The following GGT6 variants were observed in gnomAD, a reference collection of about 807,000 sequenced individuals.
GGT6 encodes gamma-glutamyltransferase 6.
In GGT6, 13 loss-of-function variants were observed where a neutral mutation model predicts 17.0. The ratio of observed to expected loss-of-function variants is 0.77; its 90% confidence interval spans 0.50 to 1.22. The LOEUF (loss-of-function observed/expected upper bound fraction) is 1.22, where lower values mean the gene tolerates loss of function less well. GGT6 is among the 50% of genes most tolerant of loss of function. The pLI is 0.00. For synonymous variants in GGT6, 305 were observed against 297.9 expected, an observed-to-expected ratio of 1.02 and a Z score of -0.25; for missense variants, 628 against 643.7, an observed-to-expected ratio of 0.98 and a Z score of 0.26.
Position 4,560,569 on chromosome 17 carries a change from C to G in GGT6, c.-48G>C, listed in dbSNP as rs772366650. On this transcript the variant is annotated 5_prime_UTR_variant, in exon 1 of 4. Coordinates refer to ENST00000381550, the MANE Select transcript of GGT6 (RefSeq NM_001288702.2). ...CCCTCCTGCCTGCCAGCCTTTCCGG[C>G]TGTGTCTCAGAGGCCCTGCCCAAGC... is the stretch of plus-strand genomic sequence containing the variant. The G allele has an allele frequency of 1.2e-6, 2 of 1,600,942 alleles. No homozygotes were observed. The highest frequency in any genetic ancestry group is 1.1e-5 in the South Asian group (1 of 90,968).
At chr17:4,560,066 C>T (rs370647989) in intron 1 of GGT6, 70 of 569,812 alleles carry the variant, frequency 1.2e-4, no homozygotes, top group East Asian at 9.5e-4. Flanking sequence ...GGGGAGCAGG[C>T]CCAGCCAGGC....
intron 1 of GGT6, 80 bp downstream of exon 1, chr17:4,560,302 C>T: frequency 2.0e-6 from 3 of 1,522,464 alleles, no homozygotes; most frequent in East Asian, 2.3e-5. Context: ...GTCGCCTGGT[C>T]CCCCTGAGGG....
Position 4,557,828 on chromosome 17 carries a change from G to T in GGT6, c.*187C>A, listed in dbSNP as rs1908272437. 1.9e-6 allele frequency: 1 copy of T among 518,548 alleles called. No homozygotes were observed. The highest frequency in any genetic ancestry group is 3.4e-6 in the Non-Finnish European group (1 of 296,282). 32.1% of individuals were successfully genotyped at this position (518,548 alleles called of 1,614,324 possible). ...TTTAGTACAGATGAGATCTTGCTTT[G>T]TTGTCTAGGCTAGTTTCAAACTCCT... On this transcript the variant is annotated 3_prime_UTR_variant, in exon 4 of 4. Transcript: ENST00000381550.
In GGT6 at chr17:4,557,939, T is replaced by C; in HGVS notation, c.*76A>G. ...CCACACCCTGCGGGTGCACACTCCA[T>C]TGCTGCTGTGTCTGCTCTGCTCCTG... On this transcript the variant is annotated 3_prime_UTR_variant, in exon 4 of 4. Transcript: ENST00000381550. 2.0e-6 allele frequency: 2 copies of C among 991,472 alleles called. No homozygotes were observed. Among genetic ancestry groups the C allele is most frequent in the Admixed American group, 2.8e-5 (1 of 35,644 alleles). The allele number at this position is 991,472 out of a possible 1,614,324, so 61.4% of individuals were successfully genotyped here.
At position 4,559,864 on chromosome 17, in the gene GGT6, G is replaced by A. The variant is rs983496185; in HGVS notation, c.141-104C>T. 6.5e-6 allele frequency: 7 copies of A among 1,073,162 alleles called. No individual in the cohort carries two copies. The African/African-American group carries it at 9.4e-5, about 14-fold the overall frequency. 66.5% of individuals were successfully genotyped at this position (1,073,162 alleles called of 1,614,324 possible). ...CCCAAAAGGTTTGATTTAGCAAGAG[G>A]AGCACAAGTCAGCCAAGGAGAAAGG... On this transcript the variant is annotated intron_variant, in intron 1 of 3. Transcript: ENST00000381550.
intron 1 of GGT6, 153 bp from the exon 2 acceptor site, chr17:4,559,913 T>C: frequency 3.0e-6 from 2 of 659,776 alleles, no homozygotes; most frequent in Non-Finnish European, 5.2e-6. Flanking sequence ...GGGTGCATCT[T>C]GGGCAGACAT....
intron 3 of GGT6, 106 bp from the exon 4 acceptor site, chr17:4,559,163 C>A: frequency 7.0e-7 from 1 of 1,432,838 alleles, no homozygotes. Flanking sequence ...ACTGACCAGG[C>A]CTGAGGTCAA....
intron 1 of GGT6, 175 bp from the exon 2 acceptor site, chr17:4,559,935 AG>A (rs1339510378): frequency 3.2e-6 from 2 of 631,148 alleles, no homozygotes; most frequent in Non-Finnish European, 5.5e-6. Flanking sequence ...GGGATGGGAA[AG>A]CATCTGGGGA....
intron 1 of GGT6, 33 bp downstream of exon 1, chr17:4,560,349 G>A (rs1908552287): frequency 6.2e-7 from 1 of 1,613,384 alleles, no homozygotes; most frequent in Non-Finnish European, 8.5e-7. Flanking sequence ...TCAAGCCTGG[G>A]GAGCCTGGTG....
At position 4,558,220 on chromosome 17, in the gene GGT6, A is replaced by G. The variant is rs780017548; in HGVS notation, c.1295T>C (p.Val432Ala). Residue 432 changes from valine to alanine, a missense_variant, in exon 4 of 4, where the codon GTG becomes GCG. Physicochemically the swap from Val to Ala is moderately conservative, Grantham distance 64 (BLOSUM62 0). Transcript: ENST00000381550. ...TAGGGTGTGAGTCATGGCCCTGGCCACATCAGGGGTCCCTGAAGCCACAAG... is the reference window on the plus strand; with the variant it reads ...TAGGGTGTGAGTCATGGCCCTGGCCGCATCAGGGGTCCCTGAAGCCACAAG... ...LGLVASGTPD[V>A]ARAMTHTLLR... 1.2e-6 allele frequency: 2 copies of G among 1,614,068 alleles called. No homozygotes were observed. The highest frequency in any genetic ancestry group is 2.7e-5 in the African/African-American group (2 of 74,930).
Position 4,558,806 on chromosome 17 carries a change from G to C in GGT6, c.709C>G (p.Leu237Val). The change falls in exon 4 of 4, where the codon CTC becomes GTC. Residue 237 changes from leucine (L) to valine (V), a missense_variant. Transcript: ENST00000381550. Reference protein sequence around the residue: ...RALVARGTEGLCPLLCHADGT... With the variant: ...RALVARGTEGVCPLLCHADGT... ...TCAGCATGGCAAAGTAGTGGACAGA[G>C]GCCTTCTGTGCCCCGAGCCACCAGA... The C allele has an allele frequency of 6.4e-7, 1 of 1,554,466 alleles. No homozygotes were observed. Among genetic ancestry groups the C allele is most frequent in the Non-Finnish European group, 8.7e-7 (1 of 1,148,836 alleles).
At chr17:4,559,106 G>A in intron 3 of GGT6, 49 bp from the exon 4 acceptor site, 9 of 1,538,378 alleles carry the variant, frequency 5.9e-6, no homozygotes, top group Non-Finnish European at 7.9e-6. Flanking sequence ...AAGGGTCACT[G>A]ACTTGTTTCA....
Position 4,557,960 on chromosome 17 carries a change from T to C in GGT6, c.*55A>G, listed in dbSNP as rs1908281757. The stretch of plus-strand genomic sequence containing the variant: ...TCCATTGCTGCTGTGTCTGCTCTGC[T>C]CCTGCCCCCATGCTTCAGATAACTC... On this transcript the variant is annotated 3_prime_UTR_variant, in exon 4 of 4. Transcript: ENST00000381550. 8 of 1,199,880 alleles carry C rather than the reference T, an allele frequency of 6.7e-6. No homozygotes were observed. Among genetic ancestry groups the C allele is most frequent in the Non-Finnish European group, 6.9e-6 (6 of 869,054 alleles). The allele number at this position is 1,199,880 out of a possible 1,614,324, so 74.3% of individuals were successfully genotyped here.
chr17:4,560,420 C>T lies in GGT6; in HGVS notation c.102G>A (p.Ala34=), dbSNP rs367696951. 1.5e-5 allele frequency: 24 copies of T among 1,613,988 alleles called. No homozygotes were observed. The highest frequency in any genetic ancestry group is 6.6e-5 in the South Asian group (6 of 91,092). ...EEVEEEETSE[A]LVLNPRRHQD... ...GGTGCCTCCGGGGGTTTAGAACCAG[C>T]GCCTCTGATGTCTCCTCCTCCTCCA... is the stretch of plus-strand genomic sequence containing the variant. Residue 34 remains alanine (A), a synonymous_variant, in exon 1 of 4, where the codon GCG becomes GCA. Coordinates refer to ENST00000381550, the MANE Select transcript of GGT6 (RefSeq NM_001288702.2).
At chr17:4,556,151 T>C (rs1908088711), downstream of GGT6, among the ~76,000 whole-genome samples, 1 of 152,200 alleles carries the variant, frequency 6.6e-6, no homozygotes. Flanking sequence ...GGGAAGTCAC[T>C]GGTGAGTTTA....
chr17:4,559,885 A>G (rs1475794184), intron 1 of GGT6, 125 bp from the exon 2 acceptor site: 19 of 837,780 alleles, frequency 2.3e-5, no homozygotes, highest in Middle Eastern at 7.2e-4. Flanking sequence ...AGCCAAGGAG[A>G]AAGGGCTTCT....
In GGT6 at chr17:4,559,358, G is replaced by T; in HGVS notation, c.442C>A (p.His148Asn). The change falls in exon 3 of 4, where the codon CAT becomes AAT. Residue 148 changes from histidine to asparagine, a missense_variant. Physicochemically the swap from His to Asn is moderately conservative, Grantham distance 68. Coordinates refer to ENST00000381550, the MANE Select transcript of GGT6 (RefSeq NM_001288702.2). ...GGTCACTGACCTAGCCCCGTGGCAT[G>T]AGGATGCACCACTGCCAGGCACAAT... is the stretch of plus-strand genomic sequence containing the variant. ...AALCLAVVHPHATGLGAMFWG... is the reference protein window; with the variant it reads ...AALCLAVVHPNATGLGAMFWG... 4 of 1,551,168 alleles carry T rather than the reference G, an allele frequency of 2.6e-6. No homozygotes were observed. Among genetic ancestry groups the T allele is most frequent in the Non-Finnish European group, 3.5e-6 (4 of 1,146,498 alleles).
rs886744112 is a variant in GGT6 at position 4,558,960 on chromosome 17, C to T, written c.555G>A (p.Leu185=). ...PAQTLAPGLG[L]PAALPTLHLL... is the part of the protein sequence containing the mutation. ...GGTGCAGGGTGGGCAGAGCCGCGGG[C>T]AGCCCCAGGCCGGGGGCCAGGGTCT... The change falls in exon 4 of 4, where the codon CTG becomes CTA. Residue 185 remains leucine, a synonymous_variant. Coordinates refer to ENST00000381550, the MANE Select transcript of GGT6 (RefSeq NM_001288702.2). The T allele has an allele frequency of 2.0e-6, 3 of 1,535,004 alleles. No individual in the cohort carries two copies.
chr17:4,560,238 C>T (rs997014798), intron 1 of GGT6, 144 bp downstream of exon 1: 2 of 888,380 alleles, frequency 2.3e-6, no homozygotes, highest in Non-Finnish European at 3.5e-6. Context: ...GGGCTACAGC[C>T]TGGGTTTTCC....
Sources: allele counts gnomAD v4.1 joint callset (sites outside exome capture counted in the v4.1 genomes callset), GRCh38; gene constraint gnomAD v4.1.1; transcripts MANE v1.5; gene names NCBI Gene and HGNC (gene_info 2026-07-23, HGNC 2026-07-21).